Variants in GALNTL6 observed in about 807,000 individuals in gnomAD.
The protein encoded by GALNTL6 is polypeptide N-acetylgalactosaminyltransferase-like 6.
Under a neutral mutation model 73.7 loss-of-function variants are expected in GALNTL6, and 46 were observed. The observed-to-expected ratio is 0.62, with a 90% confidence interval of 0.49 to 0.80. GALNTL6 has a LOEUF of 0.80. GALNTL6 is among the 30% of genes least tolerant of loss of function. The pLI, the probability that GALNTL6 is intolerant of heterozygous loss-of-function variation, is 0.00. For missense variants in GALNTL6, 604 were observed against 755.0 expected (o/e 0.80, Z 2.34); for synonymous variants, 259 against 263.7 (o/e 0.98, Z 0.17).
At chr4:172,380,372 A>G (rs1743235506) in intron 5 of GALNTL6, 4 of 679,254 alleles carry the variant, frequency 5.9e-6, no homozygotes, top group Admixed American at 5.4e-5. Flanking sequence ...GGGACTGGCA[A>G]TGACCACATG....
In GALNTL6 at chr4:172,931,234, C is replaced by T; in HGVS notation, c.1115C>T (p.Pro372Leu). The change falls in exon 9 of 13, where the codon CCA (proline) becomes CTA (leucine). Residue 372 changes from proline (P) to leucine (L), a missense_variant. Pro to Leu is a moderately conservative substitution (Grantham distance 98). Coordinates refer to ENST00000506823, the MANE Select transcript of GALNTL6 (RefSeq NM_001034845.3). ...GGTCATATCTACAGGAAGTACGTTCCATACAAAGTTCCATCTGGGACAAGC... is the reference window on the plus strand; with the variant it reads ...GGTCATATCTACAGGAAGTACGTTCTATACAAAGTTCCATCTGGGACAAGC... ...RVGHIYRKYV[P>L]YKVPSGTSLA... The T allele has an allele frequency of 6.2e-7, 1 of 1,610,772 alleles. No homozygotes were observed. Among genetic ancestry groups the T allele is most frequent in the Non-Finnish European group, 8.5e-7 (1 of 1,177,028 alleles).
chr4:173,006,898 C>G (rs551070040), intron 10 of GALNTL6, among the ~76,000 whole-genome samples: 1 of 152,320 alleles, frequency 6.6e-6, no homozygotes, highest in South Asian at 2.1e-4. Context: ...GTAGGCAAAA[C>G]CAGGTTAAGA....
chr4:172,227,428 C>G (rs1335585168), intron 2 of GALNTL6, among the ~76,000 whole-genome samples: 2 of 152,142 alleles, frequency 1.3e-5, no homozygotes, highest in Non-Finnish European at 1.5e-5. Context: ...CATTGACGCT[C>G]CAGTCTTCTA....
At chr4:172,315,558 AT>A (rs781185754) in intron 4 of GALNTL6, among the ~76,000 whole-genome samples, 2 of 152,118 alleles carry the variant, frequency 1.3e-5, no homozygotes, top group African/African-American at 4.8e-5. Flanking sequence ...GCCCTGGTTG[AT>A]TTTTATATAT....
At chr4:172,182,476 T>A (rs1259946510) in intron 2 of GALNTL6, among the ~76,000 whole-genome samples, 4 of 151,632 alleles carry the variant, frequency 2.6e-5, no homozygotes, top group Non-Finnish European at 4.4e-5. Context: ...ATCTTCTTTT[T>A]TTTTGAGATG....
chr4:172,940,187 C>CTT (rs34843916), intron 9 of GALNTL6, among the ~76,000 whole-genome samples: 24 of 128,828 alleles, frequency 1.9e-4, no homozygotes, highest in East Asian at 9.1e-4. Flanking sequence ...CCTCGCAAAA[C>CTT]TTTTTTTTTT....
intron 3 of GALNTL6, among the ~76,000 whole-genome samples, chr4:172,258,778 CA>C (rs1424435661): frequency 1.3e-5 from 2 of 151,024 alleles, no homozygotes; most frequent in Non-Finnish European, 3.0e-5. Flanking sequence ...CCCCAATGTC[CA>C]TTATATCATT....
intron 3 of GALNTL6, among the ~76,000 whole-genome samples, chr4:172,262,688 T>G (rs1738298380): frequency 6.6e-6 from 1 of 151,306 alleles, no homozygotes; most frequent in South Asian, 2.1e-4. Flanking sequence ...AATATCTTGG[T>G]TTTTGTGTGT....
chr4:172,534,145 G>A (rs1735263304), intron 5 of GALNTL6, among the ~76,000 whole-genome samples: 1 of 152,182 alleles, frequency 6.6e-6, no homozygotes, highest in Admixed American at 6.5e-5. Flanking sequence ...ACAGAGCTCA[G>A]AGTTCTCTTC....
intron 7 of GALNTL6, among the ~76,000 whole-genome samples, chr4:172,825,098 CTT>C (rs1156666184): frequency 1.3e-5 from 1 of 76,960 alleles, no homozygotes; most frequent in Admixed American, 1.3e-4. Flanking sequence ...TTCTTTCTTT[CTT>C]TCTTTCTTTC....
chr4:172,033,732 T>G (rs1436878562), intron 2 of GALNTL6, among the ~76,000 whole-genome samples: 2 of 152,126 alleles, frequency 1.3e-5, no homozygotes, highest in Admixed American at 1.3e-4. Flanking sequence ...CACTGGCATG[T>G]TTACTATGAC....
At chr4:171,820,577 A>G (rs772119212) in intron 2 of GALNTL6, among the ~76,000 whole-genome samples, 2 of 152,170 alleles carry the variant, frequency 1.3e-5, no homozygotes, top group Non-Finnish European at 2.9e-5. Flanking sequence ...TTGAATCCAC[A>G]ATAGGTAGGT....
At chr4:172,605,784 A>C (rs1738232918) in intron 5 of GALNTL6, among the ~76,000 whole-genome samples, 1 of 152,126 alleles carries the variant, frequency 6.6e-6, no homozygotes, top group Non-Finnish European at 1.5e-5. Context: ...GCATGTGGAC[A>C]CATTGAAGAG....
intron 2 of GALNTL6, among the ~76,000 whole-genome samples, chr4:172,135,129 T>C (rs980125598): frequency 6.6e-6 from 1 of 152,192 alleles, no homozygotes; most frequent in African/African-American, 2.4e-5. Context: ...AAAACGTGGA[T>C]ATTGGGGAGC....
chr4:171,990,600 A>G (rs540143969), intron 2 of GALNTL6, among the ~76,000 whole-genome samples: 95 of 152,366 alleles, frequency 6.2e-4, no homozygotes, highest in Admixed American at 1.6e-3. Flanking sequence ...CACGATAGTA[A>G]TAAAAAAACA....
In GALNTL6 at chr4:171,945,639, A is replaced by G. The variant is rs528725823; in HGVS notation, c.138+130921A>G. On this transcript the variant is annotated intron_variant, in intron 2 of 12. Coordinates refer to ENST00000506823, the MANE Select transcript of GALNTL6 (RefSeq NM_001034845.3). ...TCTTGAGTCTTTCTGCTCATAAAGA[A>G]TTTAAAATAATAGCATGACATACAT... Among the ~76,000 whole-genome samples the G allele has an allele frequency of 4.1e-4, 62 of 151,798 alleles. No homozygotes were observed. In the Middle Eastern group the frequency reaches 0.01, roughly 25 times the overall value.
At chr4:172,935,178 CTG>C (rs1298173193) in intron 9 of GALNTL6, among the ~76,000 whole-genome samples, 1 of 152,184 alleles carries the variant, frequency 6.6e-6, no homozygotes, top group African/African-American at 2.4e-5. Flanking sequence ...GCCCTGCAGA[CTG>C]TGAGTGGGGC....
At chr4:172,706,771 T>C (rs193068791) in intron 5 of GALNTL6, among the ~76,000 whole-genome samples, 1 of 152,242 alleles carries the variant, frequency 6.6e-6, no homozygotes, top group Admixed American at 6.5e-5. Flanking sequence ...AGAAGGCTAG[T>C]TTGGAGTTTG....
intron 5 of GALNTL6, among the ~76,000 whole-genome samples, chr4:172,474,024 C>T (rs1428806021): frequency 1.3e-5 from 2 of 152,174 alleles, no homozygotes. Flanking sequence ...CCTCCATTCT[C>T]TGAGCTTTTC....
Sources: allele counts gnomAD v4.1 joint callset (sites outside exome capture counted in the v4.1 genomes callset), GRCh38; gene constraint gnomAD v4.1.1; transcripts MANE v1.5; gene names NCBI Gene and HGNC (gene_info 2026-07-23, HGNC 2026-07-21).